Variants in GORAB observed in about 807,000 individuals in gnomAD.
GORAB encodes golgin, RAB6 interacting.
In GORAB, 17 loss-of-function variants were observed where a neutral mutation model predicts 29.9. That is an observed-to-expected ratio of 0.57 (90% CI 0.39 to 0.85). The LOEUF is 0.85. GORAB is among the 40% of genes least tolerant of loss of function. GORAB has a pLI of 0.00. For missense variants in GORAB, 442 were observed against 437.8 expected (o/e 1.01, Z -0.09); for synonymous variants, 183 against 157.2 (o/e 1.16, Z -1.23).
At position 170,552,833 on chromosome 1, in the gene GORAB, T is replaced by G. The variant is rs1196361573; in HGVS notation, c.*371T>G. The G allele has an allele frequency of 4.4e-6, 2 of 454,968 alleles. No individual in the cohort carries two copies. Among genetic ancestry groups the G allele is most frequent in the South Asian group, 3.1e-5 (2 of 64,298 alleles). The allele number at this position is 454,968 out of a possible 1,614,324, so 28.2% of individuals were successfully genotyped here. The stretch of plus-strand genomic sequence containing the variant: ...CTAGTTAAACTCATTTCACTTCTCC[T>G]GGGAGACGTATTAAGACTGGAAGTC... On this transcript the variant is annotated 3_prime_UTR_variant, in exon 5 of 5. Transcript: ENST00000367763.
chr1:170,544,907 G>C (rs1649664344), intron 4 of GORAB, 62 bp downstream of exon 4: 3 of 1,575,868 alleles, frequency 1.9e-6, no homozygotes, highest in African/African-American at 1.4e-5. Flanking sequence ...ATTGCCAGCT[G>C]TTCCAGGGGC....
intron 4 of GORAB, 66 bp downstream of exon 4, chr1:170,544,911 C>T (rs1649664788): frequency 1.3e-6 from 2 of 1,572,794 alleles, no homozygotes. Context: ...CCAGCTGTTC[C>T]AGGGGCTTTT....
chr1:170,539,648 T>G, intron 2 of GORAB, 81 bp downstream of exon 2: 1 of 1,449,994 alleles, frequency 6.9e-7, no homozygotes. Context: ...AAATATAATT[T>G]GTTTATTTTA....
Position 170,544,333 on chromosome 1 carries a change from A to G in GORAB, c.522-372A>G, listed in dbSNP as rs993807505. 3.9e-5 allele frequency among the ~76,000 whole-genome samples: 6 copies of G among 152,180 alleles called. No individual in the cohort carries two copies. The East Asian group carries it at 1.2e-3, about 29-fold the overall frequency. ...GTCAGGTAAGTATCAGACAAATGAA[A>G]ATGGGCTTAGCAAGAGGAAGAATTA... On this transcript the variant is annotated intron_variant, in intron 3 of 4. Coordinates refer to ENST00000367763, the MANE Select transcript of GORAB (RefSeq NM_152281.3).
intron 4 of GORAB, among the ~76,000 whole-genome samples, chr1:170,550,416 G>A (rs1489468071): frequency 6.6e-6 from 1 of 152,194 alleles, no homozygotes; most frequent in Non-Finnish European, 1.5e-5. Flanking sequence ...GAGAGAAAAT[G>A]TGTCGCTTCT....
intron 4 of GORAB, among the ~76,000 whole-genome samples, chr1:170,551,696 A>C (rs1650116864): frequency 6.6e-6 from 1 of 152,182 alleles, no homozygotes. Context: ...AGGGCTCCCC[A>C]TCCTCCCACC....
intron 2 of GORAB, among the ~76,000 whole-genome samples, chr1:170,541,139 C>T (rs1385756850): frequency 2.3e-5 from 3 of 130,834 alleles, no homozygotes; most frequent in Non-Finnish European, 3.1e-5. Context: ...GGGAGGTGGA[C>T]GTTGCAGTGA....
At chr1:170,536,762 T>C (rs1649087651) in intron 1 of GORAB, among the ~76,000 whole-genome samples, 1 of 152,202 alleles carries the variant, frequency 6.6e-6, no homozygotes. Context: ...TGCTGAAACA[T>C]AGACAATATG....
chr1:170,541,203 C>A (rs1465218202), intron 2 of GORAB, among the ~76,000 whole-genome samples: 48 of 46,352 alleles, frequency 1.0e-3, no homozygotes, highest in East Asian at 1.4e-3. Context: ...GATTCTGTCC[C>A]AAAAAAAAAA....
rs1385277348 is a variant in GORAB, at chr1:170,532,250, T to C, written c.27T>C (p.Ser9=). The C allele has an allele frequency of 1.2e-6, 2 of 1,614,100 alleles. No individual in the cohort carries two copies. Among genetic ancestry groups the C allele is most frequent in the Admixed American group, 3.3e-5 (2 of 60,030 alleles). Reference sequence around the variant, plus strand: ...TGGCGCAAGGTTGGGCAGGATTCTCTGAGGAGGAACTGAGGAGACTAAAGC... The same window carrying C: ...TGGCGCAAGGTTGGGCAGGATTCTCCGAGGAGGAACTGAGGAGACTAAAGC... MAQGWAGF[S]EEELRRLKQT... is the part of the protein sequence containing the mutation. Residue 9 remains serine (S), a synonymous_variant, in exon 1 of 5, where the codon TCT becomes TCC. Transcript: ENST00000367763.
chr1:170,545,775 T>A, intron 4 of GORAB: 1 of 979,746 alleles, frequency 1.0e-6, no homozygotes, highest in Non-Finnish European at 1.2e-6. Flanking sequence ...AATAAACTGT[T>A]GAGTGTTTAA....
chr1:170,543,134 G>T (rs1434076721), intron 3 of GORAB, among the ~76,000 whole-genome samples: 1 of 152,102 alleles, frequency 6.6e-6, no homozygotes, highest in Non-Finnish European at 1.5e-5. Flanking sequence ...CACTGTGTGA[G>T]ATTCAATTTT....
chr1:170,539,516 A>G lies in GORAB; in HGVS notation c.368A>G (p.Glu123Gly), dbSNP rs774304692. 2.5e-6 allele frequency: 4 copies of G among 1,613,826 alleles called. No individual in the cohort carries two copies. In the African/African-American group the frequency reaches 5.3e-5, roughly 22 times the overall value. Residue 123 changes from glutamate to glycine, a missense_variant, in exon 2 of 5, where the codon GAG becomes GGG. Glu to Gly is a moderately conservative substitution (Grantham distance 98). Coordinates refer to ENST00000367763, the MANE Select transcript of GORAB (RefSeq NM_152281.3). ...TCCCATGATGGTCACAACAATGTTG[A>G]GATTCTACCTCCAAAGCCAGATTGC... is the stretch of plus-strand genomic sequence containing the variant. ...ENSHDGHNNV[E>G]ILPPKPDCKL... is the part of the protein sequence containing the mutation.
chr1:170,544,640 C>A (rs539291301), intron 3 of GORAB, 65 bp from the exon 4 acceptor site: 5 of 1,379,486 alleles, frequency 3.6e-6, no homozygotes, highest in Non-Finnish European at 5.1e-6. Context: ...TTTTCACTTA[C>A]ATTGTATATG....
intron 4 of GORAB, among the ~76,000 whole-genome samples, chr1:170,548,092 CT>C (rs1157725535): frequency 1.3e-5 from 2 of 152,228 alleles, no homozygotes; most frequent in Non-Finnish European, 2.9e-5. Context: ...AATTACTTCT[CT>C]TTCATTTCTG....
intron 4 of GORAB, among the ~76,000 whole-genome samples, chr1:170,546,214 C>T (rs1223347273): frequency 6.6e-6 from 1 of 152,010 alleles, no homozygotes; most frequent in African/African-American, 2.4e-5. Flanking sequence ...CACGGTGAAA[C>T]TTCATCTGTA....
intron 2 of GORAB, 158 bp downstream of exon 2, chr1:170,539,725 A>C (rs947836277): frequency 1.3e-6 from 1 of 758,742 alleles, no homozygotes; most frequent in African/African-American, 1.8e-5. Context: ...AAAAATAGCT[A>C]CTGCCTAAAT....
chr1:170,533,369 C>T (rs547231119), intron 1 of GORAB: 2 of 281,622 alleles, frequency 7.1e-6, no homozygotes, highest in African/African-American at 4.3e-5. Context: ...AAAGGTTAGG[C>T]TAAGCTATGT....
At chr1:170,544,607 A>T (rs1649639493) in intron 3 of GORAB, 98 bp from the exon 4 acceptor site, 1 of 759,838 alleles carries the variant, frequency 1.3e-6, no homozygotes, top group Non-Finnish European at 2.1e-6. Flanking sequence ...TATAAATTAT[A>T]AATGTATATG....
Sources: gnomAD v4.1 joint callset for allele counts (sites outside exome capture counted in the v4.1 genomes callset) on GRCh38, gnomAD v4.1.1 for gene constraint, MANE v1.5 for transcripts, NCBI Gene and HGNC (gene_info 2026-07-23, HGNC 2026-07-21) for gene names.